The following CMTM7 variants were observed in gnomAD, a reference collection of about 807,000 sequenced individuals.
The protein encoded by CMTM7 is CKLF like MARVEL transmembrane domain containing 7.
Under a neutral mutation model 19.3 loss-of-function variants are expected in CMTM7, and 7 were observed. That is an observed-to-expected ratio of 0.36 (90% CI 0.21 to 0.68). The LOEUF (loss-of-function observed/expected upper bound fraction) is 0.68, where lower values mean the gene tolerates loss of function less well. CMTM7 is among the 30% of genes least tolerant of loss of function. The pLI, the probability that CMTM7 is intolerant of heterozygous loss-of-function variation, is 0.60. For synonymous variants in CMTM7, 87 were observed against 99.3 expected (o/e 0.88, Z 0.74); for missense variants, 193 against 232.6 (o/e 0.83, Z 1.11).
intron 1 of CMTM7, among the ~76,000 whole-genome samples, chr3:32,394,971 C>T (rs1695894090): frequency 6.6e-6 from 1 of 151,610 alleles, no homozygotes; most frequent in Admixed American, 6.6e-5. Flanking sequence ...GCTGGTATTA[C>T]AGGTGTGAGC....
intron 1 of CMTM7, among the ~76,000 whole-genome samples, chr3:32,416,351 A>G (rs1575113965): frequency 1.5e-5 from 2 of 132,346 alleles, no homozygotes; most frequent in East Asian, 4.4e-4. Context: ...GTGCGCCACC[A>G]TCCGGGCTAA....
At chr3:32,452,513 A>G in intron 4 of CMTM7, 40 bp downstream of exon 4, 1 of 1,597,796 alleles carries the variant, frequency 6.3e-7, no homozygotes, top group East Asian at 2.2e-5. Flanking sequence ...TCTCTCAGGA[A>G]CAGGGGGATG....
rs371798333 is a variant in CMTM7, at chr3:32,427,909, T to A, written c.160-13931T>A. On this transcript the variant is annotated intron_variant, in intron 1 of 4. Coordinates refer to ENST00000334983, the MANE Select transcript of CMTM7 (RefSeq NM_138410.4). ...GTTTAGGATAGGAAGTCTCATTAGA[T>A]CAAACTCTTAAGTGTCTGTCATGCC... 1.3e-4 allele frequency among the ~76,000 whole-genome samples: 20 copies of A among 152,300 alleles called. No individual in the cohort carries two copies. The East Asian group carries it at 2.9e-3, about 22-fold the overall frequency.
chr3:32,412,111 C>T (rs1696186159), intron 1 of CMTM7, among the ~76,000 whole-genome samples: 1 of 152,180 alleles, frequency 6.6e-6, no homozygotes, highest in Admixed American at 6.5e-5. Flanking sequence ...TTGCCAACAT[C>T]CGCACCATAG....
intron 1 of CMTM7, among the ~76,000 whole-genome samples, chr3:32,399,958 T>C (rs1250985260): frequency 6.6e-6 from 1 of 152,254 alleles, no homozygotes; most frequent in African/African-American, 2.4e-5. Flanking sequence ...CCACTCCCTC[T>C]TCCCCAAGAT....
chr3:32,416,079 A>G (rs1228962296), intron 1 of CMTM7, among the ~76,000 whole-genome samples: 1 of 152,230 alleles, frequency 6.6e-6, no homozygotes, highest in Non-Finnish European at 1.5e-5. Context: ...TGGGTAGGTA[A>G]TCTTGGGTAA....
chr3:32,452,140 G>A, intron 3 of CMTM7: 1 of 1,483,040 alleles, frequency 6.7e-7, no homozygotes, highest in Non-Finnish European at 9.0e-7. Flanking sequence ...AAGCTGCCAA[G>A]AGTGAAGACC....
chr3:32,423,793 A>T (rs1265176755), intron 1 of CMTM7, among the ~76,000 whole-genome samples: 1 of 152,190 alleles, frequency 6.6e-6, no homozygotes, highest in East Asian at 1.9e-4. Context: ...CCATCCTAAG[A>T]GTATCTGCTG....
At position 32,449,783 on chromosome 3, in the gene CMTM7, C is replaced by T. The variant is rs748235298; in HGVS notation, c.432+231C>T. ...ATTCATAGACCCCAGCAGCCCAGGCCTCTCTCTCTTACAGGCACTACTGAA... is the reference window on the plus strand; with the variant it reads ...ATTCATAGACCCCAGCAGCCCAGGCTTCTCTCTCTTACAGGCACTACTGAA... On this transcript the variant is annotated intron_variant, in intron 3 of 4. Transcript: ENST00000334983. The surrounding 1 kb of genome is among the most constrained non-coding windows in gnomAD (Gnocchi z 4.5). 3.3e-5 allele frequency among the ~76,000 whole-genome samples: 5 copies of T among 152,066 alleles called. No individual in the cohort carries two copies. The highest frequency in any genetic ancestry group is 2.1e-4 in the South Asian group (1 of 4,816).
intron 2 of CMTM7, among the ~76,000 whole-genome samples, chr3:32,443,779 T>C (rs1054406942): frequency 6.6e-6 from 1 of 152,244 alleles, no homozygotes; most frequent in Admixed American, 6.5e-5. Context: ...AAGTGTTATT[T>C]CCTGTGGTTT....
At chr3:32,434,270 A>C (rs1696562684) in intron 1 of CMTM7, among the ~76,000 whole-genome samples, 1 of 152,180 alleles carries the variant, frequency 6.6e-6, no homozygotes. Context: ...TTTTAAAGGA[A>C]GCAAATATTT....
intron 1 of CMTM7, among the ~76,000 whole-genome samples, chr3:32,408,128 C>T (rs1696115618): frequency 6.6e-6 from 1 of 152,130 alleles, no homozygotes; most frequent in Non-Finnish European, 1.5e-5. Flanking sequence ...GGCGATGCGT[C>T]AAGGAAGTCT....
At chr3:32,444,400 C>A (rs1019590153) in intron 2 of CMTM7, among the ~76,000 whole-genome samples, 3 of 152,208 alleles carry the variant, frequency 2.0e-5, no homozygotes, top group African/African-American at 7.2e-5. Flanking sequence ...ACTCTCAATT[C>A]TATTCCATTG....
At chr3:32,422,370 G>A (rs369153049) in intron 1 of CMTM7, among the ~76,000 whole-genome samples, 5 of 152,196 alleles carry the variant, frequency 3.3e-5, no homozygotes, top group East Asian at 3.9e-4. Flanking sequence ...TGGGTGCCAG[G>A]CCTCCTGCTG....
intron 1 of CMTM7, among the ~76,000 whole-genome samples, chr3:32,431,788 A>G (rs1479086854): frequency 6.6e-6 from 1 of 152,180 alleles, no homozygotes; most frequent in Non-Finnish European, 1.5e-5. Flanking sequence ...GTTTCCACAT[A>G]AAAAGATGAT....
At chr3:32,401,715 C>T (rs1696007147) in intron 1 of CMTM7, among the ~76,000 whole-genome samples, 1 of 152,234 alleles carries the variant, frequency 6.6e-6, no homozygotes, top group Non-Finnish European at 1.5e-5. Context: ...CGCCCGCGCA[C>T]GCTGGCCTTC....
chr3:32,430,714 T>TGTGTGTGTGTGTGTGTGAGA (rs10634592), intron 1 of CMTM7, among the ~76,000 whole-genome samples: 1 of 149,594 alleles, frequency 6.7e-6, no homozygotes, highest in African/African-American at 2.5e-5. Context: ...TGTGTGTGTG[T>TGTGTGTGTGTGTGTGTGAGA]GACACAGCTC....
At chr3:32,443,900 T>A (rs1575125145) in intron 2 of CMTM7, among the ~76,000 whole-genome samples, 1 of 152,230 alleles carries the variant, frequency 6.6e-6, no homozygotes, top group South Asian at 2.1e-4. Flanking sequence ...GCCTATTTTT[T>A]AATTAGGTTA....
At chr3:32,428,444 G>A (rs934606628) in intron 1 of CMTM7, among the ~76,000 whole-genome samples, 3 of 152,200 alleles carry the variant, frequency 2.0e-5, no homozygotes, top group African/African-American at 7.2e-5. Flanking sequence ...TGTCAATTAG[G>A]AAGGGGTTTA....
Sources: gnomAD v4.1 joint callset for allele counts (sites outside exome capture counted in the v4.1 genomes callset) on GRCh38, gnomAD v4.1.1 for gene constraint, Gnocchi (gnomAD v3.1) non-coding constraint, MANE v1.5 for transcripts, NCBI Gene and HGNC (gene_info 2026-07-23, HGNC 2026-07-21) for gene names.